The following DACH2 variants were observed in gnomAD, a reference collection of about 807,000 sequenced individuals.
DACH2 encodes the protein dachshund family transcription factor 2.
Under a neutral mutation model 35.8 loss-of-function variants are expected in DACH2, and 17 were observed. The observed-to-expected ratio is 0.48, with a 90% confidence interval of 0.33 to 0.71. DACH2 has a LOEUF of 0.71. Among genes scored for constraint, DACH2 ranks in the 30% least tolerant of loss-of-function variants. The pLI, the probability that DACH2 is intolerant of heterozygous loss-of-function variation, is 0.02. For synonymous variants in DACH2, 195 were observed against 177.3 expected, an observed-to-expected ratio of 1.10 and a Z score of -0.79; for missense variants, 469 against 472.7, an observed-to-expected ratio of 0.99 and a Z score of 0.07.
rs777392602 is a variant in DACH2, at chrX:86,762,538, G to T, written c.1240+22656G>T. The stretch of plus-strand genomic sequence containing the variant: ...AGCTCCTAGATAATTGGGAAAATTA[G>T]GTATTGAGTATTTTTCTTGATAATG... On this transcript the variant is annotated intron_variant, in intron 7 of 11. Transcript: ENST00000373125. Among the ~76,000 whole-genome samples the T allele has an allele frequency of 1.2e-4, 13 of 111,530 alleles. No homozygotes were observed. In the South Asian group the frequency reaches 4.9e-3, roughly 42 times the overall value.
intron 2 of DACH2, among the ~76,000 whole-genome samples, chrX:86,406,597 G>T (rs1184094857): frequency 1.8e-5 from 2 of 112,196 alleles, no homozygotes; most frequent in Admixed American, 9.5e-5. Context: ...AACTGACATG[G>T]TTTTAGTTTA....
chrX:86,722,758 G>T (rs781009290), intron 6 of DACH2, among the ~76,000 whole-genome samples: 8 of 110,974 alleles, frequency 7.2e-5, no homozygotes, highest in African/African-American at 2.6e-4. Context: ...TTTTGTTGAG[G>T]ATATTTGTGT....
intron 5 of DACH2, among the ~76,000 whole-genome samples, chrX:86,695,862 C>A (rs2041063356): frequency 9.0e-6 from 1 of 110,921 alleles, no homozygotes; most frequent in African/African-American, 3.3e-5. Context: ...AGTCACCTAA[C>A]CTTTCCAAGT....
rs758121617 is a variant in DACH2, at chrX:86,589,661, A to G, written c.641-61375A>G. Among the ~76,000 whole-genome samples, 3 of 111,746 alleles carry G rather than the reference A, an allele frequency of 2.7e-5. No homozygotes were observed. The South Asian group carries it at 1.1e-3, about 41-fold the overall frequency. On this transcript the variant is annotated intron_variant, in intron 3 of 11. Transcript: ENST00000373125. ...CATGTATTTATTATTATAATATTACAGAGAATAGTTTGACTTCACCTATTC... is the reference window on the plus strand; with the variant it reads ...CATGTATTTATTATTATAATATTACGGAGAATAGTTTGACTTCACCTATTC...
chrX:86,318,948 A>T (rs2034966105), intron 1 of DACH2, among the ~76,000 whole-genome samples: 1 of 112,541 alleles, frequency 8.9e-6, no homozygotes, highest in African/African-American at 3.2e-5. Flanking sequence ...CACGAAAAGC[A>T]TGTTCAAGAG....
intron 2 of DACH2, among the ~76,000 whole-genome samples, chrX:86,483,937 CTCTT>C (rs2037981857): frequency 8.9e-6 from 1 of 111,829 alleles, no homozygotes; most frequent in African/African-American, 3.2e-5. Context: ...ATTTTCACCA[CTCTT>C]TCTCTATTTT....
At position 86,772,522 on chromosome X, in the gene DACH2, C is replaced by T. The variant is rs191416473; in HGVS notation, c.1240+32640C>T. ...GAGATTGTGAAATCATTAAAAGTAA[C>T]GCATGAGTGTTTTTCCTTTCATCTA... On this transcript the variant is annotated intron_variant, in intron 7 of 11. Coordinates refer to ENST00000373125, the MANE Select transcript of DACH2 (RefSeq NM_053281.3). Among the ~76,000 whole-genome samples the T allele has an allele frequency of 8.1e-5, 9 of 111,314 alleles. No homozygotes were observed. In the East Asian group the frequency reaches 2.3e-3, roughly 28 times the overall value.
At chrX:86,238,958 T>C (rs1331422548) in intron 1 of DACH2, among the ~76,000 whole-genome samples, 6 of 111,220 alleles carry the variant, frequency 5.4e-5, no homozygotes, top group Admixed American at 9.6e-5. Context: ...GTGTGTTGTA[T>C]ATTTATGAGG....
intron 7 of DACH2, among the ~76,000 whole-genome samples, chrX:86,783,737 A>G (rs1388639324): frequency 8.9e-6 from 1 of 111,733 alleles, no homozygotes; most frequent in Non-Finnish European, 1.9e-5. Flanking sequence ...CCAGTCACAG[A>G]AAGTCAAACA....
rs777356213 is a variant in DACH2, at chrX:86,283,551, A to G, written c.489-93273A>G. On this transcript the variant is annotated intron_variant, in intron 1 of 11. Transcript: ENST00000373125. ...CACTATGGAATACTATGCAGCTGTA[A>G]AAAAGGATGAGTTAATGTCCTTTGC... Among the ~76,000 whole-genome samples the G allele has an allele frequency of 2.7e-5, 3 of 111,391 alleles. No individual in the cohort carries two copies. In the South Asian group the frequency reaches 1.1e-3, roughly 42 times the overall value.
intron 1 of DACH2, among the ~76,000 whole-genome samples, chrX:86,166,203 T>TA (rs1042634988): frequency 9.0e-6 from 1 of 111,440 alleles, no homozygotes; most frequent in African/African-American, 3.3e-5. Flanking sequence ...TGTCTGTTTT[T>TA]ATGCCAGTAA....
chrX:86,770,588 C>A (rs1428165381), intron 7 of DACH2, among the ~76,000 whole-genome samples: 1 of 102,635 alleles, frequency 9.7e-6, no homozygotes, highest in Non-Finnish European at 2.0e-5. Flanking sequence ...GTATGTTTCT[C>A]ACCTGACAGT....
At chrX:86,699,473 T>A (rs746652669) in intron 5 of DACH2, among the ~76,000 whole-genome samples, 1 of 111,347 alleles carries the variant, frequency 9.0e-6, no homozygotes, top group African/African-American at 3.3e-5. Context: ...GAGAACCAAG[T>A]GAAGGGGCTT....
chrX:86,788,110 GT>G lies in DACH2; in HGVS notation c.1241-24743del, dbSNP rs201758640. ...GCACTTGGGAGGGGCCGCATGCGCA[GT>G]TTACTGAAGTTGTCAGCATGCTTAC... is the stretch of plus-strand genomic sequence containing the variant. On this transcript the variant is annotated intron_variant, in intron 7 of 11. Coordinates refer to ENST00000373125, the MANE Select transcript of DACH2 (RefSeq NM_053281.3). 2.1e-3 allele frequency among the ~76,000 whole-genome samples: 228 copies of G among 111,119 alleles called. 6 individuals are homozygous for G. The highest frequency in any genetic ancestry group is 7.0e-3 in the African/African-American group (214 of 30,629).
chrX:86,555,431 A>G (rs1416351985), intron 3 of DACH2, among the ~76,000 whole-genome samples: 1 of 111,542 alleles, frequency 9.0e-6, no homozygotes, highest in Non-Finnish European at 1.9e-5. Flanking sequence ...ATGTGCAGGC[A>G]GCCACCATTT....
intron 11 of DACH2, among the ~76,000 whole-genome samples, chrX:86,819,555 G>T: frequency 8.9e-6 from 1 of 111,962 alleles, no homozygotes; most frequent in Non-Finnish European, 1.9e-5. Context: ...CTGAACAGCA[G>T]TACCATTAGC....
At chrX:86,404,708 C>G (rs2036494895) in intron 2 of DACH2, among the ~76,000 whole-genome samples, 1 of 111,984 alleles carries the variant, frequency 8.9e-6, no homozygotes, top group Admixed American at 9.5e-5. Flanking sequence ...TGGTGTCCCT[C>G]TTCTCAAGCT....
intron 1 of DACH2, among the ~76,000 whole-genome samples, chrX:86,359,600 T>C (rs529320956): frequency 1.8e-5 from 2 of 110,783 alleles, no homozygotes; most frequent in Admixed American, 9.7e-5. Context: ...ATTTTTAAAA[T>C]TAACTGCGTA....
chrX:86,241,433 C>T lies in DACH2; in HGVS notation c.488+92325C>T, dbSNP rs1234890552. Among the ~76,000 whole-genome samples, 20 of 111,684 alleles carry T rather than the reference C, an allele frequency of 1.8e-4. No individual in the cohort carries two copies. In the Admixed American group the frequency reaches 1.9e-3, roughly 11 times the overall value. On this transcript the variant is annotated intron_variant, in intron 1 of 11. Transcript: ENST00000373125. ...GAAGAAATTTCTAAACAGCAGTGTT[C>T]AAGATGTGGCCTGGCTGCTTCTAAC... is the stretch of plus-strand genomic sequence containing the variant.
Sources: gnomAD v4.1 joint callset for allele counts (sites outside exome capture counted in the v4.1 genomes callset) on GRCh38, gnomAD v4.1.1 for gene constraint, MANE v1.5 for transcripts, NCBI Gene and HGNC (gene_info 2026-07-23, HGNC 2026-07-21) for gene names.